ANO4: variants seen among roughly 807,000 people sequenced by gnomAD.
The protein encoded by ANO4 is anoctamin-4.
In ANO4, 69 loss-of-function variants were observed where a neutral mutation model predicts 141.9. The ratio of observed to expected loss-of-function variants is 0.49; its 90% CI spans 0.40 to 0.59. The LOEUF (loss-of-function observed/expected upper bound fraction) is 0.59, where lower values mean the gene tolerates loss of function less well. Among genes scored for constraint, ANO4 ranks in the 20% least tolerant of loss-of-function variants. The pLI is 0.00. For synonymous variants in ANO4, 350 were observed against 394.3 expected (o/e 0.89, Z 1.33); for missense variants, 894 against 1,162.2 (o/e 0.77, Z 3.36).
At chr12:100,974,957 G>A (rs2044098747) in intron 7 of ANO4, 68 bp downstream of exon 7, 1 of 1,562,532 alleles carries the variant, frequency 6.4e-7, no homozygotes, top group Non-Finnish European at 8.8e-7. Flanking sequence ...ACAATGACAA[G>A]GAGCTATAAG....
At chr12:101,004,193 T>G (rs532594465) in intron 8 of ANO4, among the ~76,000 whole-genome samples, 2 of 151,806 alleles carry the variant, frequency 1.3e-5, no homozygotes, top group South Asian at 4.2e-4. Flanking sequence ...AACACTGAAG[T>G]CAAGCAGATG....
intron 9 of ANO4, among the ~76,000 whole-genome samples, chr12:101,027,173 A>G (rs2136529659): frequency 6.6e-6 from 1 of 152,286 alleles, no homozygotes; most frequent in Admixed American, 6.5e-5. Flanking sequence ...GCAGTGAGTG[A>G]GTGTGGTACC....
chr12:101,125,957 A>T (rs2051296739), intron 26 of ANO4, among the ~76,000 whole-genome samples: 1 of 152,168 alleles, frequency 6.6e-6, no homozygotes, highest in South Asian at 2.1e-4. Flanking sequence ...GTTTCCATAG[A>T]AATGGTATCA....
chr12:100,923,743 A>G (rs1440644450), intron 3 of ANO4, among the ~76,000 whole-genome samples: 1 of 152,036 alleles, frequency 6.6e-6, no homozygotes, highest in Admixed American at 6.6e-5. Flanking sequence ...ACTAATTTAC[A>G]CTCCCACCAA....
chr12:101,030,112 G>T (rs2046916032), intron 9 of ANO4, among the ~76,000 whole-genome samples: 1 of 152,038 alleles, frequency 6.6e-6, no homozygotes, highest in Non-Finnish European at 1.5e-5. Context: ...CTTGAACTCA[G>T]CTCTGGATCA....
At chr12:100,951,905 T>C (rs2136208015) in intron 5 of ANO4, among the ~76,000 whole-genome samples, 2 of 152,322 alleles carry the variant, frequency 1.3e-5, no homozygotes, top group Middle Eastern at 3.4e-3. Context: ...TGGCAGCATC[T>C]CTAGCCTCTA....
At chr12:101,073,920 G>A (rs2048924520) in intron 14 of ANO4, among the ~76,000 whole-genome samples, 1 of 152,102 alleles carries the variant, frequency 6.6e-6, no homozygotes. Context: ...TTGTGGATAG[G>A]TAGGTACATG....
intron 1 of ANO4, among the ~76,000 whole-genome samples, chr12:100,723,657 T>C (rs997846714): frequency 6.6e-6 from 1 of 152,198 alleles, no homozygotes; most frequent in Non-Finnish European, 1.5e-5. Flanking sequence ...TGTATACATG[T>C]ACATACACAA....
intron 19 of ANO4, 54 bp from the exon 20 acceptor site, chr12:101,097,597 G>T: frequency 6.6e-7 from 1 of 1,519,004 alleles, no homozygotes; most frequent in Middle Eastern, 2.0e-4. Context: ...TGTAATATTC[G>T]CTGAAAGCTT....
At chr12:101,066,741 C>A in intron 14 of ANO4, 2 of 856,226 alleles carry the variant, frequency 2.3e-6, no homozygotes, top group South Asian at 1.3e-5. Flanking sequence ...GCCATGGCCA[C>A]AGTTCCTGAG....
chr12:100,960,315 A>T (rs2043360208), intron 5 of ANO4, among the ~76,000 whole-genome samples: 1 of 152,132 alleles, frequency 6.6e-6, no homozygotes, highest in South Asian at 2.1e-4. Flanking sequence ...TCAGCATTAT[A>T]CCAATGAGGA....
chr12:101,050,880 G>A (rs938489218), intron 14 of ANO4, among the ~76,000 whole-genome samples: 10 of 152,156 alleles, frequency 6.6e-5, no homozygotes, highest in African/African-American at 2.4e-4. Context: ...TGGAAGTTCT[G>A]CCTTGGGCTG....
At chr12:100,936,858 A>G (rs2042307475) in intron 3 of ANO4, among the ~76,000 whole-genome samples, 2 of 152,176 alleles carry the variant, frequency 1.3e-5, no homozygotes, top group Admixed American at 1.3e-4. Flanking sequence ...CCACCCTGAG[A>G]GAGAAGTTTG....
intron 8 of ANO4, among the ~76,000 whole-genome samples, chr12:101,017,085 C>T (rs2046344830): frequency 6.6e-6 from 1 of 152,182 alleles, no homozygotes; most frequent in South Asian, 2.1e-4. Context: ...ATTAGTTGTT[C>T]TCACGCTGCT....
chr12:100,812,021 TGCACACAC>T (rs2035468157), intron 1 of ANO4, among the ~76,000 whole-genome samples: 1 of 112,756 alleles, frequency 8.9e-6, no homozygotes, highest in Non-Finnish European at 1.8e-5. Flanking sequence ...CATATACACA[TGCACACAC>T]ATATATGTGT....
chr12:100,909,945 G>A (rs573695653), intron 2 of ANO4, among the ~76,000 whole-genome samples: 291 of 152,064 alleles, frequency 1.9e-3, no homozygotes, highest in African/African-American at 6.4e-3. Flanking sequence ...AGATAAACAA[G>A]TATTTTTGAA....
At chr12:100,998,192 A>G (rs1725596870) in intron 8 of ANO4, among the ~76,000 whole-genome samples, 1 of 152,158 alleles carries the variant, frequency 6.6e-6, no homozygotes, top group Non-Finnish European at 1.5e-5. Context: ...AAAAACGTGA[A>G]GAGGCGAGAC....
At chr12:100,726,778 G>A (rs967721462) in intron 1 of ANO4, among the ~76,000 whole-genome samples, 4 of 151,982 alleles carry the variant, frequency 2.6e-5, no homozygotes, top group Non-Finnish European at 2.9e-5. Flanking sequence ...ACTAGACTTG[G>A]AATTCTGTTC....
intron 14 of ANO4, among the ~76,000 whole-genome samples, chr12:101,078,769 C>CT (rs1261787422): frequency 6.6e-6 from 1 of 152,098 alleles, no homozygotes; most frequent in Non-Finnish European, 1.5e-5. Context: ...TTTTCTGCTC[C>CT]TACCTGCCTC....
Sources: gnomAD v4.1 joint callset for allele counts (sites outside exome capture counted in the v4.1 genomes callset) on GRCh38, gnomAD v4.1.1 for gene constraint, MANE v1.5 for transcripts, NCBI Gene and HGNC (gene_info 2026-07-23, HGNC 2026-07-21) for gene names.